The following ABHD16A variants were observed in gnomAD, a reference collection of about 807,000 sequenced individuals.
ABHD16A encodes the protein phosphatidylserine lipase ABHD16A.
A neutral mutation model predicts 89.8 loss-of-function variants in ABHD16A; 47 were observed. The ratio of observed to expected loss-of-function variants is 0.52; its 90% CI spans 0.41 to 0.67. ABHD16A has a LOEUF of 0.67. Ranked by LOEUF, ABHD16A falls within the 30% of genes least tolerant of loss-of-function variation. ABHD16A has a pLI of 0.00. For synonymous variants in ABHD16A, 251 were observed against 280.4 expected (o/e 0.90, Z 1.05); for missense variants, 580 against 734.6 (o/e 0.79, Z 2.43).
In ABHD16A at chr6:31,688,132, G is replaced by A. The variant is rs1187400785; in HGVS notation, c.1308-29C>T. 7 of 1,608,076 alleles carry A rather than the reference G, an allele frequency of 4.4e-6. No individual in the cohort carries two copies. The highest frequency in any genetic ancestry group is 1.7e-5 in the Admixed American group (1 of 59,774). Reference sequence around the variant, plus strand: ...GGGGTGAGAAGAATGTACCCTGGAGGGGCTGGAGGTTAGGAGGAAGGGTCT... The same window carrying A: ...GGGGTGAGAAGAATGTACCCTGGAGAGGCTGGAGGTTAGGAGGAAGGGTCT... On this transcript the variant is annotated intron_variant, in intron 15 of 19. Coordinates refer to ENST00000395952, the MANE Select transcript of ABHD16A (RefSeq NM_021160.3). The surrounding 1 kb of genome is among the most constrained non-coding windows in gnomAD (Gnocchi z 4.9).
At position 31,702,064 on chromosome 6, in the gene ABHD16A, G is replaced by A; in HGVS notation, c.189+10C>T. ...AAGATGCAGAGTCCCAGATGCCAGG[G>A]TAGACATACCAGTGCCAGGATGCTG... On this transcript the variant is annotated intron_variant, in intron 2 of 19. Coordinates refer to ENST00000395952, the MANE Select transcript of ABHD16A (RefSeq NM_021160.3). 2 of 1,613,054 alleles carry A rather than the reference G, an allele frequency of 1.2e-6. No homozygotes were observed. The highest frequency in any genetic ancestry group is 1.7e-6 in the Non-Finnish European group (2 of 1,180,016).
chr6:31,690,043 T>G lies in ABHD16A; in HGVS notation c.957+35A>C. ...CTGACCAGAGGGAAACAGACATAATTCAGGAAAAGGAAGGGATTCCTGAGA... is the reference window on the plus strand; with the variant it reads ...CTGACCAGAGGGAAACAGACATAATGCAGGAAAAGGAAGGGATTCCTGAGA... On this transcript the variant is annotated intron_variant, in intron 11 of 19. Coordinates refer to ENST00000395952, the MANE Select transcript of ABHD16A (RefSeq NM_021160.3). This position sits in a 1 kb window ranked among gnomAD's most constrained non-coding sequence, Gnocchi z 4.1. 1.3e-6 allele frequency: 2 copies of G among 1,557,120 alleles called. No homozygotes were observed.
At position 31,688,129 on chromosome 6, in the gene ABHD16A, G is replaced by T. The variant is rs1444656918; in HGVS notation, c.1308-26C>A. The T allele has an allele frequency of 5.0e-6, 8 of 1,607,946 alleles. No homozygotes were observed. Among genetic ancestry groups the T allele is most frequent in the Non-Finnish European group, 6.8e-6 (8 of 1,176,112 alleles). ...CTGGGGGTGAGAAGAATGTACCCTGGAGGGGCTGGAGGTTAGGAGGAAGGG... is the reference window on the plus strand; with the variant it reads ...CTGGGGGTGAGAAGAATGTACCCTGTAGGGGCTGGAGGTTAGGAGGAAGGG... On this transcript the variant is annotated intron_variant, in intron 15 of 19. Coordinates refer to ENST00000395952, the MANE Select transcript of ABHD16A (RefSeq NM_021160.3). This position sits in a 1 kb window ranked among gnomAD's most constrained non-coding sequence, Gnocchi z 4.9.
At position 31,703,289 on chromosome 6, in the gene ABHD16A, G is replaced by C. The variant is rs762194469; in HGVS notation, c.-8C>G. 1.6e-5 allele frequency: 21 copies of C among 1,342,544 alleles called. No homozygotes were observed. In the South Asian group the frequency reaches 4.0e-4, roughly 26 times the overall value. 83.2% of individuals were successfully genotyped at this position (1,342,544 alleles called of 1,614,324 possible). The stretch of plus-strand genomic sequence containing the variant: ...GCTCAGCAGCTTCGCCATGGCCCCG[G>C]CTCGGGCCGCTGCTCTTCCAGCAGC... On this transcript the variant is annotated 5_prime_UTR_variant, in exon 1 of 20. Coordinates refer to ENST00000395952, the MANE Select transcript of ABHD16A (RefSeq NM_021160.3).
At chr6:31,695,396 T>C (rs1256682720) in intron 5 of ABHD16A, among the ~76,000 whole-genome samples, 1 of 152,192 alleles carries the variant, frequency 6.6e-6, no homozygotes, top group Non-Finnish European at 1.5e-5. Context: ...TTTATAGAAC[T>C]GAGCTGCTGT....
chr6:31,693,287 T>G lies in ABHD16A; in HGVS notation c.503+72A>C. The G allele has an allele frequency of 6.3e-7, 1 of 1,594,250 alleles. No homozygotes were observed. The highest frequency in any genetic ancestry group is 8.6e-7 in the Non-Finnish European group (1 of 1,165,222). ...ACTGTGACCTGAGAGGGCATGGAGG[T>G]GGGAGGGCAGAGCAGAGATTTTCTG... On this transcript the variant is annotated intron_variant, in intron 6 of 19. Coordinates refer to ENST00000395952, the MANE Select transcript of ABHD16A (RefSeq NM_021160.3). This position sits in a 1 kb window ranked among gnomAD's most constrained non-coding sequence, Gnocchi z 5.0.
At chr6:31,689,232 C>T (rs1241135122) in intron 12 of ABHD16A, 113 bp from the exon 13 acceptor site, 15 of 992,408 alleles carry the variant, frequency 1.5e-5, no homozygotes, top group Non-Finnish European at 2.1e-5. Flanking sequence ...CCTATGTTAT[C>T]CCTTGTTTTT....
In ABHD16A at chr6:31,687,883, G is replaced by T. The variant is rs1398569098; in HGVS notation, c.1388C>A (p.Ala463Glu). 6.2e-7 allele frequency: 1 copy of T among 1,612,844 alleles called. No individual in the cohort carries two copies. The change falls in exon 17 of 20, where the codon GCA becomes GAA. Residue 463 changes from alanine to glutamate, a missense_variant. Ala to Glu is a moderately radical substitution (Grantham distance 107). Transcript: ENST00000395952. The surrounding 1 kb of genome is among the most constrained non-coding windows in gnomAD (Gnocchi z 6.3). ...CCTCACCACTCGAAGACCCTCCTCT[G>T]CCATCACCCGGGGATACCTACGGAG... ...LLQHRYPRVM[A>E]EEGLRVVRQW...
At chr6:31,696,117 T>A (rs1804366013) in intron 5 of ABHD16A, among the ~76,000 whole-genome samples, 1 of 145,766 alleles carries the variant, frequency 6.9e-6, no homozygotes, top group African/African-American at 2.6e-5. Flanking sequence ...TAAGCTGAGA[T>A]GGCGCCACTG....
chr6:31,690,038 A>C lies in ABHD16A; in HGVS notation c.957+40T>G. The C allele has an allele frequency of 1.9e-6, 3 of 1,549,920 alleles. No individual in the cohort carries two copies. Among genetic ancestry groups the C allele is most frequent in the Non-Finnish European group, 2.6e-6 (3 of 1,148,536 alleles). On this transcript the variant is annotated intron_variant, in intron 11 of 19. Coordinates refer to ENST00000395952, the MANE Select transcript of ABHD16A (RefSeq NM_021160.3). This position sits in a 1 kb window ranked among gnomAD's most constrained non-coding sequence, Gnocchi z 4.1. ...AATGGCTGACCAGAGGGAAACAGAC[A>C]TAATTCAGGAAAAGGAAGGGATTCC...
In ABHD16A at chr6:31,690,703, G is replaced by A; in HGVS notation, c.844-101C>T. 9.8e-7 allele frequency: 1 copy of A among 1,020,144 alleles called. No individual in the cohort carries two copies. Among genetic ancestry groups the A allele is most frequent in the Non-Finnish European group, 1.5e-6 (1 of 650,830 alleles). 63.2% of individuals were successfully genotyped at this position (1,020,144 alleles called of 1,614,324 possible). On this transcript the variant is annotated intron_variant, in intron 9 of 19. Transcript: ENST00000395952. The surrounding 1 kb of genome is among the most constrained non-coding windows in gnomAD (Gnocchi z 4.1). The stretch of plus-strand genomic sequence containing the variant: ...CCCATGAAGAGCTTTGCAGGGAAGA[G>A]GAAAGGGCAGGTTTCTGTTTTCTCC...
Position 31,690,535 on chromosome 6 carries a change from C to G in ABHD16A, c.907+4G>C, listed in dbSNP as rs1237932531. ...GAGATAAGGAGGCTGAGTCACCGTC[C>G]TACCTTCCAGGGGCGTGGAGACGCA... is the stretch of plus-strand genomic sequence containing the variant. On this transcript the variant is annotated splice_donor_region_variant and intron_variant, in intron 10 of 19. Coordinates refer to ENST00000395952, the MANE Select transcript of ABHD16A (RefSeq NM_021160.3). The surrounding 1 kb of genome is among the most constrained non-coding windows in gnomAD (Gnocchi z 4.1). 6.2e-7 allele frequency: 1 copy of G among 1,613,010 alleles called. No homozygotes were observed. Among genetic ancestry groups the G allele is most frequent in the East Asian group, 2.2e-5 (1 of 44,888 alleles).
Position 31,688,844 on chromosome 6 carries a change from G to T in ABHD16A, c.1187-58C>A. On this transcript the variant is annotated intron_variant, in intron 13 of 19. Coordinates refer to ENST00000395952, the MANE Select transcript of ABHD16A (RefSeq NM_021160.3). The surrounding 1 kb of genome is among the most constrained non-coding windows in gnomAD (Gnocchi z 4.9). The stretch of plus-strand genomic sequence containing the variant: ...GACAAAGCCCTTGCCCAACATAAAG[G>T]TCCTCACTATTCACGGAGAAAGAAA... 6.4e-7 allele frequency: 1 copy of T among 1,563,192 alleles called. No homozygotes were observed. Among genetic ancestry groups the T allele is most frequent in the Admixed American group, 1.8e-5 (1 of 56,956 alleles).
rs1485866131 is a variant in ABHD16A, at chr6:31,698,010, G to C, written c.344-977C>G. Among the ~76,000 whole-genome samples the C allele has an allele frequency of 6.6e-6, 1 of 152,120 alleles. No individual in the cohort carries two copies. The highest frequency in any genetic ancestry group is 1.5e-5 in the Non-Finnish European group (1 of 68,024). ...ACCAGAACTTTATGTGTCATCAATG[G>C]TATTCCCCCAAAACGATATGATGAG... is the stretch of plus-strand genomic sequence containing the variant. On this transcript the variant is annotated intron_variant, in intron 4 of 19. Transcript: ENST00000395952. This position sits in a 1 kb window ranked among gnomAD's most constrained non-coding sequence, Gnocchi z 4.1.
Position 31,687,154 on chromosome 6 carries a change from G to C in ABHD16A, c.*58C>G. ...TGAACACAGAGAATCACAAATAAGAGGGTCTTTCCTCATGTCTCCTCTCAC... is the reference window on the plus strand; with the variant it reads ...TGAACACAGAGAATCACAAATAAGACGGTCTTTCCTCATGTCTCCTCTCAC... On this transcript the variant is annotated 3_prime_UTR_variant, in exon 20 of 20. Transcript: ENST00000395952. The surrounding 1 kb of genome is among the most constrained non-coding windows in gnomAD (Gnocchi z 6.3). 1 of 1,471,408 alleles carries C rather than the reference G, an allele frequency of 6.8e-7. No individual in the cohort carries two copies. The highest frequency in any genetic ancestry group is 9.4e-7 in the Non-Finnish European group (1 of 1,063,120). 91.1% of individuals were successfully genotyped at this position (1,471,408 alleles called of 1,614,324 possible). A position where few individuals can be genotyped will look rare whatever the true frequency, so the allele number is the denominator to read the frequency against.
In ABHD16A at chr6:31,688,562, C is replaced by G. The variant is rs147410580; in HGVS notation, c.1250+161G>C. On this transcript the variant is annotated intron_variant, in intron 14 of 19. Transcript: ENST00000395952. This position sits in a 1 kb window ranked among gnomAD's most constrained non-coding sequence, Gnocchi z 4.9. ...GAGGTGGTCCAGAGTCCCAGGGGACCTGGGAGGGGTTAGGCCAGTTGAGGT... is the reference window on the plus strand; with the variant it reads ...GAGGTGGTCCAGAGTCCCAGGGGACGTGGGAGGGGTTAGGCCAGTTGAGGT... Among the ~76,000 whole-genome samples, 249 of 152,318 alleles carry G rather than the reference C, an allele frequency of 1.6e-3. 1 individual carries two copies. The highest frequency in any genetic ancestry group is 4.9e-3 in the African/African-American group (205 of 41,574).
In ABHD16A at chr6:31,691,835, A is replaced by T. The variant is rs765632751; in HGVS notation, c.710T>A (p.Leu237Gln). The T allele has an allele frequency of 6.2e-7, 1 of 1,611,320 alleles. No individual in the cohort carries two copies. The highest frequency in any genetic ancestry group is 2.2e-5 in the East Asian group (1 of 44,878). ...CACCAGTCGGGCCTGGCCCTGCAGCAGCACAGGCATGAGGGCCTTCTGCAG... is the reference window on the plus strand; with the variant it reads ...CACCAGTCGGGCCTGGCCCTGCAGCTGCACAGGCATGAGGGCCTTCTGCAG... ...YLLQKALMPV[L>Q]LQGQARLVEE... is the part of the protein sequence containing the mutation. The change falls in exon 8 of 20, where the codon CTG becomes CAG. Residue 237 changes from leucine to glutamine, a missense_variant. Physicochemically the swap from Leu to Gln is moderately radical, Grantham distance 113. Coordinates refer to ENST00000395952, the MANE Select transcript of ABHD16A (RefSeq NM_021160.3).
At position 31,687,260 on chromosome 6, in the gene ABHD16A, G is replaced by GT; in HGVS notation, c.1628dup (p.His543GlnfsTer50). On this transcript the variant is annotated frameshift_variant, in exon 20 of 20. Transcript: ENST00000395952. LOFTEE classifies it high-confidence loss of function. This position sits in a 1 kb window ranked among gnomAD's most constrained non-coding sequence, Gnocchi z 6.3. ...AGTTCTGGGCTGGGAGTGGGGTGCA[G>GT]TGAGTGGCCTCAAAGTTGTGCAGAT... The GT allele has an allele frequency of 6.2e-7, 1 of 1,613,010 alleles. No individual in the cohort carries two copies. The highest frequency in any genetic ancestry group is 8.5e-7 in the Non-Finnish European group (1 of 1,180,000).
Position 31,688,181 on chromosome 6 carries a change from AGAG to A in ABHD16A, c.1307+65_1307+67del. 1.9e-6 allele frequency: 3 copies of A among 1,606,250 alleles called. No individual in the cohort carries two copies. Among genetic ancestry groups the A allele is most frequent in the Non-Finnish European group, 2.6e-6 (3 of 1,173,888 alleles). On this transcript the variant is annotated intron_variant, in intron 15 of 19. Coordinates refer to ENST00000395952, the MANE Select transcript of ABHD16A (RefSeq NM_021160.3). This position sits in a 1 kb window ranked among gnomAD's most constrained non-coding sequence, Gnocchi z 4.9. ...CTAGATACCCAGGTTTCTGGTGGGC[AGAG>A]GTAGAAGGGACAAGTTCCTGGCCAT...
Sources: allele counts gnomAD v4.1 joint callset (sites outside exome capture counted in the v4.1 genomes callset), GRCh38; gene constraint gnomAD v4.1.1; non-coding constraint Gnocchi (gnomAD v3.1); transcripts MANE v1.5; gene names NCBI Gene and HGNC (gene_info 2026-07-23, HGNC 2026-07-21).